CRTAC1: variants seen among roughly 807,000 people sequenced by gnomAD.
CRTAC1 encodes cartilage acidic protein 1.
Under a neutral mutation model 67.8 loss-of-function variants are expected in CRTAC1, and 37 were observed. That is an observed-to-expected ratio of 0.55 (90% CI 0.42 to 0.72). The LOEUF is 0.72. CRTAC1 is among the 30% of genes least tolerant of loss of function. CRTAC1 has a pLI of 0.00. For synonymous variants in CRTAC1, 348 were observed against 371.0 expected (o/e 0.94, Z 0.71); for missense variants, 780 against 931.6 (o/e 0.84, Z 2.12).
chr10:97,955,389 A>G (rs904250362), intron 2 of CRTAC1, among the ~76,000 whole-genome samples: 19 of 152,362 alleles, frequency 1.2e-4, no homozygotes, highest in African/African-American at 4.3e-4. Flanking sequence ...TCAAAGGGTT[A>G]CACTGAGAAA....
intron 2 of CRTAC1, among the ~76,000 whole-genome samples, chr10:97,992,166 T>C (rs1007349226): frequency 6.6e-6 from 1 of 152,082 alleles, no homozygotes; most frequent in African/African-American, 2.4e-5. Flanking sequence ...TATAGCCTGG[T>C]GCCGCTGCTT....
chr10:97,889,301 G>T (rs1172434603), intron 11 of CRTAC1, among the ~76,000 whole-genome samples: 2 of 152,144 alleles, frequency 1.3e-5, no homozygotes, highest in African/African-American at 4.8e-5. Context: ...GTGGGCATGT[G>T]GGGCTTGGGG....
chr10:97,865,687 CG>C lies in CRTAC1; in HGVS notation c.1846del (p.Arg616AlafsTer28). 6.2e-7 allele frequency: 1 copy of C among 1,603,394 alleles called. No homozygotes were observed. Among genetic ancestry groups the C allele is most frequent in the Non-Finnish European group, 8.5e-7 (1 of 1,174,842 alleles). On this transcript the variant is annotated frameshift_variant, in exon 15 of 15. Transcript: ENST00000370597. LOFTEE classifies it high-confidence loss of function. ...AGCAGCAGCGGTGGGGGTGGTGGGG[CG>C]GGGGCCCGGTGACTGGCCGAGAGTC... ...VGTLGQSPGP[R>X]PTTPTAAAAT...
At chr10:98,016,849 A>G (rs1469386826) in intron 1 of CRTAC1, among the ~76,000 whole-genome samples, 3 of 149,178 alleles carry the variant, frequency 2.0e-5, no homozygotes, top group African/African-American at 7.3e-5. Flanking sequence ...TCTATAAAGA[A>G]AACCTATTTA....
chr10:97,945,369 T>C (rs562033147), intron 2 of CRTAC1, among the ~76,000 whole-genome samples: 2 of 152,370 alleles, frequency 1.3e-5, no homozygotes, highest in African/African-American at 2.4e-5. Context: ...TATCTAAATG[T>C]TTCCCATTTT....
At chr10:98,017,881 C>A (rs1185300017) in intron 1 of CRTAC1, among the ~76,000 whole-genome samples, 1 of 151,676 alleles carries the variant, frequency 6.6e-6, no homozygotes. Context: ...TTGAACAATT[C>A]CCAGCAAGGT....
intron 7 of CRTAC1, among the ~76,000 whole-genome samples, chr10:97,902,440 C>A (rs575377708): frequency 1.3e-5 from 2 of 152,198 alleles, no homozygotes; most frequent in African/African-American, 4.8e-5. Context: ...GAGGGGGTTG[C>A]GGTATCAGCT....
chr10:97,907,897 G>T, intron 6 of CRTAC1, 116 bp downstream of exon 6: 2 of 1,125,034 alleles, frequency 1.8e-6, no homozygotes, highest in Non-Finnish European at 1.3e-6. Context: ...ACGATGACTT[G>T]CCCTGCTCTC....
intron 1 of CRTAC1, among the ~76,000 whole-genome samples, chr10:98,021,364 G>A (rs2136705558): frequency 6.6e-6 from 1 of 152,258 alleles, no homozygotes; most frequent in South Asian, 2.1e-4. Flanking sequence ...CAGGAGACTT[G>A]GGCTTGCTCC....
At chr10:97,877,952 A>G (rs1391407700) in intron 14 of CRTAC1, among the ~76,000 whole-genome samples, 1 of 152,204 alleles carries the variant, frequency 6.6e-6, no homozygotes, top group African/African-American at 2.4e-5. Flanking sequence ...GGGCTCTGTT[A>G]TCTTGTCATT....
intron 3 of CRTAC1, among the ~76,000 whole-genome samples, chr10:97,924,772 T>C (rs1390113221): frequency 6.6e-6 from 1 of 152,228 alleles, no homozygotes; most frequent in East Asian, 1.9e-4. Flanking sequence ...TGAACTACTT[T>C]CCAAGGTTCT....
At chr10:97,996,214 G>A (rs1183662883) in intron 2 of CRTAC1, among the ~76,000 whole-genome samples, 7 of 151,870 alleles carry the variant, frequency 4.6e-5, no homozygotes, top group South Asian at 2.1e-4. Context: ...AATGGCAACA[G>A]AAGCCAAAAT....
chr10:97,897,931 G>A (rs1173378702), intron 8 of CRTAC1, among the ~76,000 whole-genome samples: 1 of 152,216 alleles, frequency 6.6e-6, no homozygotes, highest in African/African-American at 2.4e-5. Flanking sequence ...CATAGCTTCA[G>A]GAGGGGGTCG....
At chr10:97,978,654 C>T (rs139844231) in intron 2 of CRTAC1, among the ~76,000 whole-genome samples, 1 of 152,262 alleles carries the variant, frequency 6.6e-6, no homozygotes, top group African/African-American at 2.4e-5. Flanking sequence ...GACTCTTCTC[C>T]CAGGTCCTTG....
At position 97,981,561 on chromosome 10, in the gene CRTAC1, G is replaced by T. The variant is rs371144958; in HGVS notation, c.224+29577C>A. Among the ~76,000 whole-genome samples the T allele has an allele frequency of 2.9e-3, 447 of 152,190 alleles. 1 individual carries two copies. Among genetic ancestry groups the T allele is most frequent in the African/African-American group, 9.8e-3 (408 of 41,534 alleles). ...TTAACAGATATTAAAGTTGCTTCTG[G>T]TTTTTTTGCTCTTATAAATATGCAC... On this transcript the variant is annotated intron_variant, in intron 2 of 14. Transcript: ENST00000370597.
chr10:97,896,071 G>GC (rs2050454902), intron 9 of CRTAC1, 86 bp from the exon 10 acceptor site: 1 of 1,208,528 alleles, frequency 8.3e-7, no homozygotes, highest in Admixed American at 1.8e-5. Flanking sequence ...AGTATCCACA[G>GC]CCCTGGGCGT....
At chr10:97,875,725 C>T (rs1477854427) in intron 14 of CRTAC1, 1 of 152,190 alleles carries the variant, frequency 6.6e-6, no homozygotes, top group Non-Finnish European at 1.5e-5. Flanking sequence ...ATGAAGTGCT[C>T]ATCTTCCTGT....
At chr10:97,891,167 G>A (rs755648625) in intron 11 of CRTAC1, among the ~76,000 whole-genome samples, 47 of 152,240 alleles carry the variant, frequency 3.1e-4, no homozygotes, top group Non-Finnish European at 5.7e-4. Context: ...GAGGGAAGGT[G>A]AAGGAAGAAA....
At chr10:97,914,222 G>GT (rs1564891591) in intron 5 of CRTAC1, among the ~76,000 whole-genome samples, 1 of 152,136 alleles carries the variant, frequency 6.6e-6, no homozygotes, top group African/African-American at 2.4e-5. Flanking sequence ...CTGGAGGTTT[G>GT]GGGGGACACA....
Sources: gnomAD v4.1 joint callset for allele counts (sites outside exome capture counted in the v4.1 genomes callset) on GRCh38, gnomAD v4.1.1 for gene constraint, MANE v1.5 for transcripts, NCBI Gene and HGNC (gene_info 2026-07-23, HGNC 2026-07-21) for gene names.